CEMIP: variants seen among roughly 807,000 people sequenced by gnomAD.
CEMIP encodes cell migration-inducing and hyaluronan-binding protein.
CEMIP carries 105 observed loss-of-function variants against 156.9 expected under a neutral mutation model. The ratio of observed to expected loss-of-function variants is 0.67; its 90% CI spans 0.57 to 0.79. The LOEUF is 0.79. Among genes scored for constraint, CEMIP ranks in the 30% least tolerant of loss-of-function variants. The pLI is 0.00. For missense variants in CEMIP, 1,457 were observed against 1,769.4 expected (o/e 0.82, Z 3.17); for synonymous variants, 676 against 668.4 (o/e 1.01, Z -0.17).
intron 1 of CEMIP, among the ~76,000 whole-genome samples, chr15:80,837,580 C>T (rs1053165054): frequency 2.0e-5 from 3 of 152,236 alleles, no homozygotes; most frequent in African/African-American, 7.2e-5. Flanking sequence ...CTTCACCAGA[C>T]TGCCTCCAAG....
intron 1 of CEMIP, among the ~76,000 whole-genome samples, chr15:80,844,615 T>C (rs964565923): frequency 6.6e-6 from 1 of 152,244 alleles, no homozygotes; most frequent in Admixed American, 6.5e-5. Flanking sequence ...TGTCAGCCAG[T>C]TGGACCTGAC....
Position 80,895,022 on chromosome 15 carries a change from C to A in CEMIP, c.1119C>A (p.Thr373=). ...CAATGGATGGAGTTAACCTCAGCAC[C>A]GAGGTTGTCTACAAAAAAGGCCAGG... ...ATTMDGVNLS[T]EVVYKKGQDY... The change falls in exon 11 of 30, where the codon ACC becomes ACA. Residue 373 remains threonine (T), a synonymous_variant. Coordinates refer to ENST00000394685, the MANE Select transcript of CEMIP (RefSeq NM_001293298.2). 6.2e-7 allele frequency: 1 copy of A among 1,614,110 alleles called. No individual in the cohort carries two copies. The highest frequency in any genetic ancestry group is 8.5e-7 in the Non-Finnish European group (1 of 1,179,964).
intron 1 of CEMIP, among the ~76,000 whole-genome samples, chr15:80,789,724 A>G (rs188854188): frequency 6.6e-6 from 1 of 152,316 alleles, no homozygotes; most frequent in East Asian, 1.9e-4. Context: ...TCTGTTCTAC[A>G]TTTTAAAATC....
At chr15:80,896,487 G>A in intron 12 of CEMIP, 1 of 379,792 alleles carries the variant, frequency 2.6e-6, no homozygotes, top group South Asian at 2.0e-5. Context: ...GGAAGCATAT[G>A]TCTGTCACCA....
chr15:80,890,224 C>T (rs1026390017), intron 10 of CEMIP, among the ~76,000 whole-genome samples: 2 of 152,060 alleles, frequency 1.3e-5, no homozygotes, highest in Non-Finnish European at 2.9e-5. Flanking sequence ...GATTTATCTC[C>T]TTATGCCCAG....
At chr15:80,898,736 G>T (rs1021335955) in intron 12 of CEMIP, among the ~76,000 whole-genome samples, 2 of 152,116 alleles carry the variant, frequency 1.3e-5, no homozygotes, top group Non-Finnish European at 2.9e-5. Context: ...ATGAACATAG[G>T]TCTGTCATAG....
At chr15:80,802,818 T>C (rs1030281818) in intron 1 of CEMIP, among the ~76,000 whole-genome samples, 9 of 152,174 alleles carry the variant, frequency 5.9e-5, no homozygotes, top group Non-Finnish European at 8.8e-5. Context: ...GCAACTTAAC[T>C]TCTCCAGGCC....
chr15:80,925,845 A>G, intron 19 of CEMIP, 90 bp downstream of exon 19: 1 of 1,513,496 alleles, frequency 6.6e-7, no homozygotes, highest in Non-Finnish European at 8.8e-7. Context: ...CAAAGCAGAG[A>G]GGGGAAGCCA....
At position 80,948,955 on chromosome 15, in the gene CEMIP, T is replaced by G; in HGVS notation, c.*31T>G. On this transcript the variant is annotated 3_prime_UTR_variant, in exon 30 of 30. Transcript: ENST00000394685. ...GCTGCCGCCCGGTGCCACCTCGTGG[T>G]AGACTATGACGGTGACTCTTGGCAG... 1 of 1,613,854 alleles carries G rather than the reference T, an allele frequency of 6.2e-7. No homozygotes were observed. The highest frequency in any genetic ancestry group is 8.5e-7 in the Non-Finnish European group (1 of 1,179,800).
At chr15:80,904,254 G>T (rs888798271) in intron 12 of CEMIP, among the ~76,000 whole-genome samples, 1 of 152,178 alleles carries the variant, frequency 6.6e-6, no homozygotes, top group Admixed American at 6.5e-5. Context: ...TGCTGGGTGT[G>T]GTGGCACCCA....
intron 1 of CEMIP, among the ~76,000 whole-genome samples, chr15:80,825,729 T>G (rs1349919461): frequency 6.6e-6 from 1 of 152,268 alleles, no homozygotes; most frequent in Non-Finnish European, 1.5e-5. Flanking sequence ...TCTGGCCAGA[T>G]CTCTCAGATA....
chr15:80,848,900 G>GCACACA (rs3221932), intron 1 of CEMIP, among the ~76,000 whole-genome samples: 34,426 of 134,418 alleles, frequency 0.26, 5,051 homozygotes, highest in East Asian at 0.51. Flanking sequence ...GTGTGCGCGT[G>GCACACA]CACACACACA....
rs1351996464 is a variant in CEMIP at position 80,950,484 on chromosome 15, T to C, written c.*1560T>C. 6.6e-6 allele frequency: 1 copy of C among 152,290 alleles called. No individual in the cohort carries two copies. The highest frequency in any genetic ancestry group is 2.4e-5 in the African/African-American group (1 of 41,466). The allele number at this position is 152,290 out of a possible 1,614,324, so 9.4% of individuals were successfully genotyped here. A position where few individuals can be genotyped will look rare whatever the true frequency, so the allele number is the denominator to read the frequency against. ...GCACACAAACCCGCCCTCCCCTTGGTGTTGGCGGTCCCTGTGGCCTTCACT... is the reference window on the plus strand; with the variant it reads ...GCACACAAACCCGCCCTCCCCTTGGCGTTGGCGGTCCCTGTGGCCTTCACT... On this transcript the variant is annotated 3_prime_UTR_variant, in exon 30 of 30. Coordinates refer to ENST00000394685, the MANE Select transcript of CEMIP (RefSeq NM_001293298.2).
At chr15:80,858,106 G>T (rs1897896466) in intron 1 of CEMIP, among the ~76,000 whole-genome samples, 1 of 152,200 alleles carries the variant, frequency 6.6e-6, no homozygotes, top group Non-Finnish European at 1.5e-5. Flanking sequence ...TTCATTCTTG[G>T]TGTGATGGGA....
At chr15:80,815,432 G>A (rs1422657677) in intron 1 of CEMIP, among the ~76,000 whole-genome samples, 2 of 152,224 alleles carry the variant, frequency 1.3e-5, no homozygotes, top group Non-Finnish European at 2.9e-5. Flanking sequence ...TTTCCAGATT[G>A]TTTGGCTATG....
intron 23 of CEMIP, among the ~76,000 whole-genome samples, chr15:80,934,893 C>A (rs1000103554): frequency 2.0e-5 from 3 of 152,182 alleles, no homozygotes; most frequent in African/African-American, 7.2e-5. Context: ...AATGTGGGGA[C>A]TGGGCTTGAG....
intron 1 of CEMIP, among the ~76,000 whole-genome samples, chr15:80,825,693 T>C (rs1897020011): frequency 6.6e-6 from 1 of 152,194 alleles, no homozygotes; most frequent in Non-Finnish European, 1.5e-5. Flanking sequence ...GCGATTTCAC[T>C]TTGAAGCCAA....
At chr15:80,898,936 C>T (rs541532114) in intron 12 of CEMIP, among the ~76,000 whole-genome samples, 9 of 152,134 alleles carry the variant, frequency 5.9e-5, no homozygotes, top group African/African-American at 9.7e-5. Context: ...ACATACAGGC[C>T]GGGCGCGGTG....
chr15:80,823,540 C>T (rs1896957735), intron 1 of CEMIP, among the ~76,000 whole-genome samples: 1 of 152,126 alleles, frequency 6.6e-6, no homozygotes, highest in Non-Finnish European at 1.5e-5. Flanking sequence ...TCCCCTAGAC[C>T]CTGGGGACCC....
Sources: gnomAD v4.1 joint callset for allele counts (sites outside exome capture counted in the v4.1 genomes callset) on GRCh38, gnomAD v4.1.1 for gene constraint, MANE v1.5 for transcripts, NCBI Gene and HGNC (gene_info 2026-07-23, HGNC 2026-07-21) for gene names.